CSMD1: variants seen among roughly 807,000 people sequenced by gnomAD.
CSMD1 encodes CUB and sushi domain-containing protein 1.
A neutral mutation model predicts 417.5 loss-of-function variants in CSMD1; 213 were observed. The ratio of observed to expected loss-of-function variants is 0.51; its 90% CI spans 0.46 to 0.57. CSMD1 has a LOEUF of 0.57. Among genes scored for constraint, CSMD1 ranks in the 20% least tolerant of loss-of-function variants. The probability of loss-of-function intolerance (pLI) is 0.00; values close to 1 mark genes in which losing one functional copy is unlikely to be tolerated. For missense variants in CSMD1, 6,923 were observed against 4,529.7 expected, an observed-to-expected ratio of 1.53 and a Z score of -15.17; for synonymous variants, 2,862 against 1,736.8, an observed-to-expected ratio of 1.65 and a Z score of -16.11.
intron 3 of CSMD1, among the ~76,000 whole-genome samples, chr8:4,395,076 G>C (rs190003494): frequency 4.6e-5 from 7 of 152,222 alleles, no homozygotes; most frequent in Non-Finnish European, 4.4e-5. Flanking sequence ...GGGTGTCCTG[G>C]CACCTCCTGC....
chr8:4,571,547 G>C lies in CSMD1; in HGVS notation c.302+65795C>G, dbSNP rs546207037. ...TATGTTCCTTTACATTTGCTGAGGA[G>C]TGTTTTATTTCCAATTATGTGGTCC... is the stretch of plus-strand genomic sequence containing the variant. On this transcript the variant is annotated intron_variant, in intron 2 of 69. Transcript: ENST00000635120. Among the ~76,000 whole-genome samples the C allele has an allele frequency of 7.2e-5, 11 of 152,258 alleles. No homozygotes were observed. The East Asian group carries it at 2.1e-3, about 29-fold the overall frequency.
At chr8:4,289,823 T>A (rs1280086386) in intron 3 of CSMD1, among the ~76,000 whole-genome samples, 1 of 152,188 alleles carries the variant, frequency 6.6e-6, no homozygotes, top group South Asian at 2.1e-4. Flanking sequence ...GTTCACAAAC[T>A]AATCTAATGT....
intron 3 of CSMD1, among the ~76,000 whole-genome samples, chr8:4,391,826 G>GTT (rs1461511370): frequency 6.6e-6 from 1 of 152,160 alleles, no homozygotes; most frequent in Non-Finnish European, 1.5e-5. Flanking sequence ...TGCCTTGCTT[G>GTT]TTCTGGCAAA....
intron 5 of CSMD1, among the ~76,000 whole-genome samples, chr8:3,966,959 C>T (rs1286172822): frequency 1.3e-5 from 2 of 152,146 alleles, no homozygotes; most frequent in African/African-American, 2.4e-5. Flanking sequence ...TCAAATTCTC[C>T]ATTCTGTTTT....
chr8:4,058,946 C>T (rs180889383), intron 3 of CSMD1, among the ~76,000 whole-genome samples: 4,006 of 151,522 alleles, frequency 0.026, 170 homozygotes, highest in African/African-American at 0.092. Context: ...GCGGGCCTAA[C>T]AGACATCTAC....
At chr8:4,884,861 C>T (rs976101395) in intron 1 of CSMD1, among the ~76,000 whole-genome samples, 1 of 151,936 alleles carries the variant, frequency 6.6e-6, no homozygotes, top group Non-Finnish European at 1.5e-5. Context: ...TCTTGAATTT[C>T]AACATAAATT....
In CSMD1 at chr8:3,431,643, T is replaced by C. The variant is rs192240747; in HGVS notation, c.1562-22038A>G. Among the ~76,000 whole-genome samples the C allele has an allele frequency of 4.1e-3, 629 of 152,250 alleles. 3 individuals are homozygous for C. Among genetic ancestry groups the C allele is most frequent in the South Asian group, 0.023 (113 of 4,820 alleles). ...ACCAATAAACAACTGACAAAACTTG[T>C]TTATTAATGTTCTCCCTTCATGTTT... On this transcript the variant is annotated intron_variant, in intron 12 of 69. Coordinates refer to ENST00000635120, the MANE Select transcript of CSMD1 (RefSeq NM_033225.6).
chr8:3,235,503 A>C (rs1486667063), intron 26 of CSMD1, among the ~76,000 whole-genome samples: 3 of 152,192 alleles, frequency 2.0e-5, no homozygotes, highest in African/African-American at 7.2e-5. Context: ...TGCACACCCC[A>C]GTTTCCCCTT....
At chr8:3,895,481 A>G (rs11136674) in intron 5 of CSMD1, among the ~76,000 whole-genome samples, 84,467 of 151,954 alleles carry the variant, frequency 0.56, 27,742 homozygotes, top group Admixed American at 0.71. Context: ...GAAAAAATCA[A>G]TATTATTAGG....
rs1382909587 is a variant in CSMD1 at position 4,693,123 on chromosome 8, CTGAG to C, written c.86-55569_86-55566del. Among the ~76,000 whole-genome samples, 4 of 152,328 alleles carry C rather than the reference CTGAG, an allele frequency of 2.6e-5. No individual in the cohort carries two copies. In the East Asian group the frequency reaches 7.7e-4, roughly 29 times the overall value. Reference sequence around the variant, plus strand: ...AGTTCCCAGGGCCCACTGGAATCTTCTGAGTGTCAGGGTTGCTCTCCCTTCAAGC... The same window carrying C: ...AGTTCCCAGGGCCCACTGGAATCTTCTGTCAGGGTTGCTCTCCCTTCAAGC... On this transcript the variant is annotated intron_variant, in intron 1 of 69. Transcript: ENST00000635120.
rs556755505 is a variant in CSMD1 at position 3,872,538 on chromosome 8, C to T, written c.819-118496G>A. ...AATGTTCTGCCAGGTCACTGAAAGGCTGATCTCAAGAACTGAGGTTGTCTG... is the reference window on the plus strand; with the variant it reads ...AATGTTCTGCCAGGTCACTGAAAGGTTGATCTCAAGAACTGAGGTTGTCTG... On this transcript the variant is annotated intron_variant, in intron 5 of 69. Transcript: ENST00000635120. Among the ~76,000 whole-genome samples the T allele has an allele frequency of 1.4e-4, 21 of 152,292 alleles. 1 individual carries two copies. Among genetic ancestry groups the T allele is most frequent in the Middle Eastern group, 6.8e-3 (2 of 294 alleles).
intron 3 of CSMD1, among the ~76,000 whole-genome samples, chr8:4,252,378 T>C (rs2407941): frequency 0.091 from 13,796 of 152,276 alleles, 797 homozygotes; most frequent in South Asian, 0.18. Flanking sequence ...GCTGAAGTTA[T>C]GTATTGTCTT....
chr8:4,149,224 A>T (rs1796441291), intron 3 of CSMD1, among the ~76,000 whole-genome samples: 1 of 152,142 alleles, frequency 6.6e-6, no homozygotes, highest in South Asian at 2.1e-4. Context: ...TCGGCCTCCC[A>T]AACTGCTGAG....
At chr8:2,949,508 T>C (rs1183284425) in intron 67 of CSMD1, 122 bp from the exon 68 acceptor site, 2 of 476,578 alleles carry the variant, frequency 4.2e-6, no homozygotes, top group Non-Finnish European at 7.1e-6. Context: ...ACTGGTTAAA[T>C]GTTTTATTTT....
chr8:4,394,521 C>T (rs909785068), intron 3 of CSMD1, among the ~76,000 whole-genome samples: 2 of 152,194 alleles, frequency 1.3e-5, no homozygotes, highest in Non-Finnish European at 2.9e-5. Context: ...AGATGAGGCG[C>T]TCATTCAGCC....
intron 26 of CSMD1, chr8:3,278,888 C>T (rs1022967176): frequency 1.1e-4 from 17 of 152,206 alleles, no homozygotes; most frequent in African/African-American, 4.1e-4. Flanking sequence ...AGGGACATAA[C>T]AGCCCAGTTT....
At chr8:3,113,782 T>A (rs1285095717) in intron 42 of CSMD1, among the ~76,000 whole-genome samples, 1 of 152,142 alleles carries the variant, frequency 6.6e-6, no homozygotes, top group Non-Finnish European at 1.5e-5. Flanking sequence ...GAAAATCAAC[T>A]GGGGGGTTGG....
intron 25 of CSMD1, among the ~76,000 whole-genome samples, chr8:3,297,348 GA>G (rs1169029643): frequency 6.6e-6 from 1 of 152,158 alleles, no homozygotes; most frequent in East Asian, 1.9e-4. Context: ...TGGAAGTGCA[GA>G]AGGCCAAGAA....
At chr8:4,412,653 T>C (rs1796712074) in intron 3 of CSMD1, among the ~76,000 whole-genome samples, 1 of 152,238 alleles carries the variant, frequency 6.6e-6, no homozygotes, top group East Asian at 1.9e-4. Flanking sequence ...AACTAGATTT[T>C]CTGATGCTAA....
Sources: allele counts gnomAD v4.1 joint callset (sites outside exome capture counted in the v4.1 genomes callset), GRCh38; gene constraint gnomAD v4.1.1; transcripts MANE v1.5; gene names NCBI Gene and HGNC (gene_info 2026-07-23, HGNC 2026-07-21).